Variants in JMJD8 observed in about 807,000 individuals in gnomAD.
JMJD8 encodes the protein jumonji domain containing 8.
Under a neutral mutation model 37.6 loss-of-function variants are expected in JMJD8, and 56 were observed. The ratio of observed to expected loss-of-function variants is 1.49; its 90% CI spans 1.20 to 1.86. JMJD8 has a LOEUF of 1.86. Ranked by LOEUF, JMJD8 falls within the 40% of genes most tolerant of loss-of-function variation. JMJD8 has a pLI of 0.00. For missense variants in JMJD8, 542 were observed against 362.7 expected, an observed-to-expected ratio of 1.49 and a Z score of -4.01; for synonymous variants, 261 against 163.7, an observed-to-expected ratio of 1.59 and a Z score of -4.54.
rs1167010852 is a variant in JMJD8 at position 682,094 on chromosome 16, G to C, written c.*700C>G. On this transcript the variant is annotated 3_prime_UTR_variant, in exon 9 of 9. Coordinates refer to ENST00000609261, the MANE Select transcript of JMJD8 (RefSeq NM_001005920.4). The stretch of plus-strand genomic sequence containing the variant: ...AGAGGAAGGTGAGTGTGTGTCGCTT[G>C]CTGCCGATGGCTGGCAGGTGCTCGT... 6.3e-7 allele frequency: 1 copy of C among 1,580,834 alleles called. No homozygotes were observed. The highest frequency in any genetic ancestry group is 8.6e-7 in the Non-Finnish European group (1 of 1,157,154).
In JMJD8 at chr16:683,188, T is replaced by G. The variant is rs1331296612; in HGVS notation, c.558A>C (p.Ser186=). Reference sequence around the variant, plus strand: ...TGACCTTACGACCGTAGATCACTTCTGAGTACCCGGGTCCATGCCAGTGGA... The same window carrying G: ...TGACCTTACGACCGTAGATCACTTCGGAGTACCCGGGTCCATGCCAGTGGA... ...VPFHWHGPGY[S]EVIYGRKRWF... The change falls in exon 7 of 9, where the codon TCA becomes TCC. Residue 186 remains serine (S), a synonymous_variant. Coordinates refer to ENST00000609261, the MANE Select transcript of JMJD8 (RefSeq NM_001005920.4). 6.2e-7 allele frequency: 1 copy of G among 1,613,248 alleles called. No homozygotes were observed. The highest frequency in any genetic ancestry group is 8.5e-7 in the Non-Finnish European group (1 of 1,179,868).
rs913052959 is a variant in JMJD8 at position 683,705 on chromosome 16, T to C, written c.302A>G (p.Asn101Ser). 2 of 1,605,862 alleles carry C rather than the reference T, an allele frequency of 1.2e-6. No individual in the cohort carries two copies. Among genetic ancestry groups the C allele is most frequent in the East Asian group, 2.2e-5 (1 of 44,478 alleles). Residue 101 changes from asparagine to serine, a missense_variant, in exon 4 of 9, where the codon AAC (asparagine) becomes AGC (serine). Transcript: ENST00000609261. Reference sequence around the variant, plus strand: ...CGTACCTTTGTGGTAGGAGTAGGTGTTGGCGGTGCTCAGCCGGACCACTCT... The same window carrying C: ...CGTACCTTTGTGGTAGGAGTAGGTGCTGGCGGTGCTCAGCCGGACCACTCT... ...GDRVVRLSTA[N>S]TYSYHKVDLP...
At chr16:683,109 T>A (rs761088253) in intron 7 of JMJD8, 22 bp from the exon 8 acceptor site, 1 of 1,613,494 alleles carries the variant, frequency 6.2e-7, no homozygotes, top group Admixed American at 1.7e-5. Flanking sequence ...AGCAGCAGTG[T>A]CACCCTTGCC....
At position 682,572 on chromosome 16, in the gene JMJD8, G is replaced by A; in HGVS notation, c.*222C>T. On this transcript the variant is annotated 3_prime_UTR_variant, in exon 9 of 9. Coordinates refer to ENST00000609261, the MANE Select transcript of JMJD8 (RefSeq NM_001005920.4). Reference sequence around the variant, plus strand: ...CCCCTATACATAGTTTATGTTCCTGGCCACCCCGACCGCTTCCCCCAAGTT... The same window carrying A: ...CCCCTATACATAGTTTATGTTCCTGACCACCCCGACCGCTTCCCCCAAGTT... 3 of 1,577,452 alleles carry A rather than the reference G, an allele frequency of 1.9e-6. No individual in the cohort carries two copies. Among genetic ancestry groups the A allele is most frequent in the Non-Finnish European group, 2.6e-6 (3 of 1,157,590 alleles).
At position 681,725 on chromosome 16, in the gene JMJD8, T is replaced by G. The variant is rs6597; in HGVS notation, c.*1069A>C. On this transcript the variant is annotated 3_prime_UTR_variant, in exon 9 of 9. Transcript: ENST00000609261. ...AATGTGGGGAAGTGTGGATGTTAGC[T>G]CTGAGATTGGGGTGTGGTCAGACAT... The G allele has an allele frequency of 0.15, 227,739 of 1,550,620 alleles. 18,434 individuals are homozygous for G. The highest frequency in any genetic ancestry group is 0.25 in the South Asian group (21,047 of 83,268).
chr16:682,397 C>T lies in JMJD8; in HGVS notation c.*397G>A. On this transcript the variant is annotated 3_prime_UTR_variant, in exon 9 of 9. Transcript: ENST00000609261. ...TCATTTTGACCCCGTGACCCGGAGC[C>T]CCCTGACCCAGGAACAGCTCATCCC... The T allele has an allele frequency of 6.2e-7, 1 of 1,613,340 alleles. No individual in the cohort carries two copies. The highest frequency in any genetic ancestry group is 2.2e-5 in the East Asian group (1 of 44,886).
In JMJD8 at chr16:684,265, G is replaced by T; in HGVS notation, c.55C>A (p.Pro19Thr). The T allele has an allele frequency of 7.0e-7, 1 of 1,425,964 alleles. No individual in the cohort carries two copies. Among genetic ancestry groups the T allele is most frequent in the Non-Finnish European group, 9.1e-7 (1 of 1,098,426 alleles). 88.3% of individuals were successfully genotyped at this position (1,425,964 alleles called of 1,614,324 possible). ...ALWALAAVALPGSGAEGDGGW... is the reference protein window; with the variant it reads ...ALWALAAVALTGSGAEGDGGW... ...CCGTCGCCCTCCGCCCCGGAGCCGG[G>T]TAGAGCCACAGCCGCCAGCGCCCAG... The change falls in exon 1 of 9, where the codon CCC becomes ACC. Residue 19 changes from proline (P) to threonine (T), a missense_variant. By Grantham distance (38) the Pro-to-Thr change is conservative. Transcript: ENST00000609261.
Position 683,552 on chromosome 16 carries a change from C to T in JMJD8, c.369G>A (p.Gln123=), listed in dbSNP as rs2039786781. 1.9e-6 allele frequency: 3 copies of T among 1,568,476 alleles called. No individual in the cohort carries two copies. The highest frequency in any genetic ancestry group is 1.2e-5 in the South Asian group (1 of 85,554). ...CACCATTGCCCAGGGAGGTGGGGTC[C>T]TGGGGGTGCAGCAGCTGCTCCACAT... ...QEYVEQLLHP[Q]DPTSLGNDTL... is the part of the protein sequence containing the mutation. Residue 123 remains glutamine, a synonymous_variant, in exon 5 of 9, where the codon CAG becomes CAA. Transcript: ENST00000609261.
In JMJD8 at chr16:681,883, G is replaced by A. The variant is rs1038569329; in HGVS notation, c.*911C>T. On this transcript the variant is annotated 3_prime_UTR_variant, in exon 9 of 9. Coordinates refer to ENST00000609261, the MANE Select transcript of JMJD8 (RefSeq NM_001005920.4). ...AGGCCTGCATTGAGGCCAAGCACGT[G>A]AGGGTGCCCCCCACCCACATGTGGG... 1.2e-6 allele frequency: 2 copies of A among 1,612,916 alleles called. No homozygotes were observed. The highest frequency in any genetic ancestry group is 1.7e-6 in the Non-Finnish European group (2 of 1,179,996).
Position 682,963 on chromosome 16 carries a change from C to T in JMJD8, c.704G>A (p.Arg235Gln), listed in dbSNP as rs757714720. The T allele has an allele frequency of 4.8e-5, 78 of 1,612,716 alleles. No individual in the cohort carries two copies. Among genetic ancestry groups the T allele is most frequent in the Middle Eastern group, 1.6e-4 (1 of 6,082 alleles). Reference sequence around the variant, plus strand: ...CTGCCAGCCACTGACCTCACCAGCCCGGATGGTACACTCCAGGGGCCGTGC... The same window carrying T: ...CTGCCAGCCACTGACCTCACCAGCCTGGATGGTACACTCCAGGGGCCGTGC... ...PSARPLECTI[R>Q]AGEVLYFPDR... is the part of the protein sequence containing the mutation. The change falls in exon 8 of 9, where the codon CGG becomes CAG. Residue 235 changes from arginine (R) to glutamine (Q), a missense_variant. Physicochemically the swap from Arg to Gln is conservative, Grantham distance 43 (BLOSUM62 1). Transcript: ENST00000609261.
rs548376273 is a variant in JMJD8, at chr16:683,782, C to G, written c.226-1G>C. The G allele has an allele frequency of 1.2e-5, 19 of 1,605,004 alleles. No individual in the cohort carries two copies. The African/African-American group carries it at 2.4e-4, about 20-fold the overall frequency. ...CGCGGGAGCACAGGGCCCGGAACCT[C>G]TGCGGGGGCGGGGAGGGGACTTAGT... On this transcript the variant is annotated splice_acceptor_variant, in intron 3 of 8. Coordinates refer to ENST00000609261, the MANE Select transcript of JMJD8 (RefSeq NM_001005920.4). LOFTEE classifies it high-confidence loss of function.
At chr16:684,039 G>A (rs754351687) in intron 2 of JMJD8, 27 bp downstream of exon 2, 12 of 1,574,748 alleles carry the variant, frequency 7.6e-6, no homozygotes, top group Non-Finnish European at 2.6e-6. Flanking sequence ...AACAGGACGC[G>A]ACCTCCGCGA....
Position 682,782 on chromosome 16 carries a change from C to A in JMJD8, c.*12G>T, listed in dbSNP as rs1472991064. 1 of 1,612,820 alleles carries A rather than the reference C, an allele frequency of 6.2e-7. No homozygotes were observed. Among genetic ancestry groups the A allele is most frequent in the Non-Finnish European group, 8.5e-7 (1 of 1,179,712 alleles). Reference sequence around the variant, plus strand: ...GCTGGTGTGTGACCGGCAGTCCTGCCAGCTGTTTTGGCTAGCCGAGGAAGG... The same window carrying A: ...GCTGGTGTGTGACCGGCAGTCCTGCAAGCTGTTTTGGCTAGCCGAGGAAGG... On this transcript the variant is annotated 3_prime_UTR_variant, in exon 9 of 9. Transcript: ENST00000609261.
At position 684,163 on chromosome 16, in the gene JMJD8, C is replaced by A. The variant is rs751902035; in HGVS notation, c.87-8G>T. 2.1e-6 allele frequency: 3 copies of A among 1,451,898 alleles called. No individual in the cohort carries two copies. Among genetic ancestry groups the A allele is most frequent in the Non-Finnish European group, 2.7e-6 (3 of 1,109,280 alleles). The allele number at this position is 1,451,898 out of a possible 1,614,324, so 89.9% of individuals were successfully genotyped here. ...CCCGGCCCGCCCGGGCGCCTGCGGG[C>A]ACAGCTGGGTCAGCCCGCGCCCCGC... On this transcript the variant is annotated splice_polypyrimidine_tract_variant and splice_region_variant and intron_variant, in intron 1 of 8. Transcript: ENST00000609261.
rs1567284315 is a variant in JMJD8 at position 682,747 on chromosome 16, G to A, written c.*47C>T. On this transcript the variant is annotated 3_prime_UTR_variant, in exon 9 of 9. Coordinates refer to ENST00000609261, the MANE Select transcript of JMJD8 (RefSeq NM_001005920.4). ...TGTGTAATAAAATCCGTGAGCACGA[G>A]GTGGGACGTGCTGGTGTGTGACCGG... is the stretch of plus-strand genomic sequence containing the variant. The A allele has an allele frequency of 1.3e-6, 2 of 1,591,056 alleles. No homozygotes were observed. Among genetic ancestry groups the A allele is most frequent in the East Asian group, 2.2e-5 (1 of 44,686 alleles).
At position 683,891 on chromosome 16, in the gene JMJD8, G is replaced by T. The variant is rs772525920; in HGVS notation, c.195C>A (p.Pro65=). The T allele has an allele frequency of 1.3e-6, 2 of 1,583,326 alleles. No homozygotes were observed. The highest frequency in any genetic ancestry group is 3.6e-5 in the Admixed American group (2 of 56,132). The part of the protein sequence containing the change: ...EFVQQYAFVR[P]VILQGLTDNS... ...TGTCCGTGAGTCCCTGCAGGATGAC[G>T]GGCCTGACGAAGGCGTACCTGGAAA... Residue 65 remains proline, a synonymous_variant, in exon 3 of 9, where the codon CCC becomes CCA. Coordinates refer to ENST00000609261, the MANE Select transcript of JMJD8 (RefSeq NM_001005920.4).
Position 683,674 on chromosome 16 carries a change from A to G in JMJD8, c.322+11T>C. The G allele has an allele frequency of 1.3e-6, 2 of 1,594,734 alleles. No individual in the cohort carries two copies. The highest frequency in any genetic ancestry group is 1.7e-6 in the Non-Finnish European group (2 of 1,171,532). The stretch of plus-strand genomic sequence containing the variant: ...GGCAAATGGGCGGGCCCCAGGGGTG[A>G]GGCCGCGTACCTTTGTGGTAGGAGT... On this transcript the variant is annotated intron_variant, in intron 4 of 8. Transcript: ENST00000609261.
At position 683,178 on chromosome 16, in the gene JMJD8, A is replaced by G. The variant is rs2039757498; in HGVS notation, c.568T>C (p.Tyr190His). The G allele has an allele frequency of 6.2e-7, 1 of 1,613,220 alleles. No homozygotes were observed. The highest frequency in any genetic ancestry group is 1.1e-5 in the South Asian group (1 of 91,076). The change falls in exon 7 of 9, where the codon TAC becomes CAC. Residue 190 changes from tyrosine (Y) to histidine (H), a missense_variant. By Grantham distance (83) the Tyr-to-His change is moderately conservative. Transcript: ENST00000609261. ...CACCCCGTGCTGACCTTACGACCGT[A>G]GATCACTTCTGAGTACCCGGGTCCA... The part of the protein sequence containing the change: ...WHGPGYSEVI[Y>H]GRKRWFLYPP...
At chr16:683,968 C>T (rs2039818043) in intron 2 of JMJD8, 59 bp from the exon 3 acceptor site, 8 of 1,556,490 alleles carry the variant, frequency 5.1e-6, no homozygotes, top group Non-Finnish European at 6.9e-6. Context: ...GCCCCAGCCC[C>T]ACGCGTGCGC....
Sources: gnomAD v4.1 joint callset for allele counts on GRCh38, gnomAD v4.1.1 for gene constraint, MANE v1.5 for transcripts, NCBI Gene and HGNC (gene_info 2026-07-23, HGNC 2026-07-21) for gene names.